RFC3: variants seen among roughly 807,000 people sequenced by gnomAD.
The protein encoded by RFC3 is A1 38 kDa subunit.
In RFC3, 41 loss-of-function variants were observed where a neutral mutation model predicts 45.1. That is an observed-to-expected ratio of 0.91 (90% confidence interval 0.71 to 1.18). The LOEUF is 1.18. Ranked by LOEUF, RFC3 falls within the 50% of genes most tolerant of loss-of-function variation. The pLI, the probability that RFC3 is intolerant of heterozygous loss-of-function variation, is 0.00. For synonymous variants in RFC3, 149 were observed against 144.0 expected, an observed-to-expected ratio of 1.03 and a Z score of -0.25; for missense variants, 423 against 428.1, an observed-to-expected ratio of 0.99 and a Z score of 0.10.
At chr13:33,950,103 A>G (rs2082980152) in intron 8 of RFC3, among the ~76,000 whole-genome samples, 1 of 148,906 alleles carries the variant, frequency 6.7e-6, no homozygotes, top group Non-Finnish European at 1.5e-5. Context: ...ACACACACAC[A>G]CACCCCGTTA....
intron 8 of RFC3, among the ~76,000 whole-genome samples, chr13:33,944,297 C>T (rs550399543): frequency 2.0e-5 from 3 of 152,250 alleles, no homozygotes; most frequent in Admixed American, 6.5e-5. Flanking sequence ...TTTGCAAATC[C>T]CTACATTTGT....
intron 8 of RFC3, among the ~76,000 whole-genome samples, chr13:33,885,936 G>C (rs967369241): frequency 2.6e-5 from 4 of 151,952 alleles, no homozygotes; most frequent in African/African-American, 9.7e-5. Context: ...CTTGCAACTA[G>C]TGATGGTCAT....
intron 8 of RFC3, among the ~76,000 whole-genome samples, chr13:33,902,815 G>A (rs1217464908): frequency 2.6e-5 from 4 of 151,834 alleles, no homozygotes; most frequent in Non-Finnish European, 4.4e-5. Context: ...TCATTCCCTT[G>A]CTCCAGGGGT....
At chr13:33,972,516 A>G in the RFC3 span, among the ~76,000 whole-genome samples, 1 of 152,012 alleles carries the variant, frequency 6.6e-6, no homozygotes, top group African/African-American at 2.4e-5. Context: ...TATTTTACCA[A>G]GTATTTTTAT....
intron 3 of RFC3, among the ~76,000 whole-genome samples, 190 bp from the exon 4 acceptor site, chr13:33,825,599 G>A (rs1001851428): frequency 6.6e-6 from 1 of 152,054 alleles, no homozygotes; most frequent in African/African-American, 2.4e-5. Context: ...TGTTTTCAGT[G>A]ATGTTAATCC....
rs145640369 is a variant in RFC3 at position 33,821,138 on chromosome 13, T to C, written c.94T>C (p.Cys32Arg). ...QAAQLRNLVQ[C>R]GDFPHLLVYG... ...CCTTGTTCTTTTTTTTCAGGTGCAG[T>C]GTGGTGACTTTCCTCATCTGTTAGT... The change falls in exon 2 of 9, where the codon TGT becomes CGT. Residue 32 changes from cysteine (C) to arginine (R), a missense_variant. Coordinates refer to ENST00000380071, the MANE Select transcript of RFC3 (RefSeq NM_002915.4). 2 of 1,613,296 alleles carry C rather than the reference T, an allele frequency of 1.2e-6. No homozygotes were observed. Among genetic ancestry groups the C allele is most frequent in the African/African-American group, 2.7e-5 (2 of 74,826 alleles).
chr13:33,962,049 C>T (rs945927566), intron 8 of RFC3, among the ~76,000 whole-genome samples: 15 of 152,184 alleles, frequency 9.9e-5, no homozygotes, highest in Admixed American at 1.3e-4. Context: ...GAGTGTCAGG[C>T]AAGCCCTTCT....
At chr13:33,925,690 T>TACACAC (rs139123720) in intron 8 of RFC3, among the ~76,000 whole-genome samples, 7,581 of 148,606 alleles carry the variant, frequency 0.051, 428 homozygotes, top group African/African-American at 0.13. Context: ...TATGTATATA[T>TACACAC]ACACACACAC....
chr13:33,880,795 C>T (rs537588374), intron 8 of RFC3, among the ~76,000 whole-genome samples: 5 of 152,032 alleles, frequency 3.3e-5, no homozygotes, highest in African/African-American at 7.2e-5. Context: ...TGGCTGGGCA[C>T]GGTGGCGCAC....
At chr13:33,938,184 C>CAAAAAAAAAAAAAAAAAAAAAAAAAAA (rs34685731) in intron 8 of RFC3, among the ~76,000 whole-genome samples, 3 of 70,782 alleles carry the variant, frequency 4.2e-5, no homozygotes, top group African/African-American at 1.8e-4. Context: ...AGTCCAACTG[C>CAAAAAAAAAAAAAAAAAAAAAAAAAAA]AAAAAAAAAA....
chr13:33,827,343 A>G (rs895126158), intron 4 of RFC3, among the ~76,000 whole-genome samples: 1 of 152,158 alleles, frequency 6.6e-6, no homozygotes, highest in Non-Finnish European at 1.5e-5. Flanking sequence ...ATGACTTGTC[A>G]TGTTGAATTT....
intron 8 of RFC3, chr13:33,848,627 T>C (rs1387515796): frequency 6.6e-6 from 1 of 152,134 alleles, no homozygotes; most frequent in Admixed American, 6.6e-5. Flanking sequence ...TTTGTCAAGC[T>C]CTGGCCTTTA....
At chr13:33,890,440 GA>G (rs2082556354) in intron 8 of RFC3, among the ~76,000 whole-genome samples, 1 of 152,062 alleles carries the variant, frequency 6.6e-6, no homozygotes, top group African/African-American at 2.4e-5. Context: ...GACTAGAAGG[GA>G]TTATATCCTA....
intron 8 of RFC3, chr13:33,850,676 CA>C (rs1470357784): frequency 1.3e-5 from 2 of 152,050 alleles, no homozygotes; most frequent in African/African-American, 4.8e-5. Context: ...TATATCTAAA[CA>C]TAAGTATTGT....
chr13:33,882,961 G>GAGT (rs2082495142), intron 8 of RFC3, among the ~76,000 whole-genome samples: 1 of 152,164 alleles, frequency 6.6e-6, no homozygotes, highest in Non-Finnish European at 1.5e-5. Flanking sequence ...TTCTGTTGCT[G>GAGT]AGTAGTACCC....
intron 8 of RFC3, among the ~76,000 whole-genome samples, chr13:33,858,895 CT>C (rs1243041887): frequency 6.6e-6 from 1 of 152,118 alleles, no homozygotes; most frequent in Non-Finnish European, 1.5e-5. Context: ...ATCTCTTTTT[CT>C]TTCAACTGTA....
At chr13:33,949,182 A>G (rs896210863) in intron 8 of RFC3, among the ~76,000 whole-genome samples, 3 of 152,036 alleles carry the variant, frequency 2.0e-5, no homozygotes, top group African/African-American at 7.3e-5. Flanking sequence ...CCCTCATGAT[A>G]ATGAGTGAAT....
At chr13:33,932,609 C>A (rs1329662) in intron 8 of RFC3, among the ~76,000 whole-genome samples, 38,813 of 151,832 alleles carry the variant, frequency 0.26, 7,426 homozygotes, top group African/African-American at 0.52. Flanking sequence ...AGGAATGAGG[C>A]TTGAGGTTAT....
downstream of RFC3, among the ~76,000 whole-genome samples, chr13:33,970,960 G>A (rs1016621939): frequency 6.6e-6 from 1 of 152,222 alleles, no homozygotes; most frequent in Non-Finnish European, 1.5e-5. Flanking sequence ...AATGGCAACA[G>A]CCAGGTGGGT....
Sources: allele counts gnomAD v4.1 joint callset (sites outside exome capture counted in the v4.1 genomes callset), GRCh38; gene constraint gnomAD v4.1.1; transcripts MANE v1.5; gene names NCBI Gene and HGNC (gene_info 2026-07-23, HGNC 2026-07-21).